The following KIAA0513 variants were observed in gnomAD, a reference collection of about 807,000 sequenced individuals.
KIAA0513 encodes the protein uncharacterized protein KIAA0513.
Under a neutral mutation model 56.5 loss-of-function variants are expected in KIAA0513, and 39 were observed. That is an observed-to-expected ratio of 0.69 (90% CI 0.53 to 0.90). KIAA0513 has a LOEUF of 0.90. Among genes scored for constraint, KIAA0513 ranks in the 40% least tolerant of loss-of-function variants. KIAA0513 has a pLI of 0.00. For missense variants in KIAA0513, 591 were observed against 535.2 expected, an observed-to-expected ratio of 1.10 and a Z score of -1.03; for synonymous variants, 268 against 215.6, an observed-to-expected ratio of 1.24 and a Z score of -2.13.
At chr16:85,031,187 A>G (rs769739203) in intron 1 of KIAA0513, among the ~76,000 whole-genome samples, 5 of 152,234 alleles carry the variant, frequency 3.3e-5, no homozygotes, top group Non-Finnish European at 7.3e-5. Flanking sequence ...ATCGTTAGAA[A>G]GACTTGGCCT....
At chr16:85,057,039 A>C (rs1026236928) in intron 1 of KIAA0513, among the ~76,000 whole-genome samples, 1 of 152,178 alleles carries the variant, frequency 6.6e-6, no homozygotes, top group Admixed American at 6.5e-5. Flanking sequence ...CTGGGTGTAC[A>C]GTGTCTGAAG....
chr16:85,086,877 C>A, intron 11 of KIAA0513, 153 bp downstream of exon 11: 1 of 843,926 alleles, frequency 1.2e-6, no homozygotes. Context: ...CATAATTAAT[C>A]CGCCTCCTAC....
chr16:85,047,693 G>A (rs147126265), intron 1 of KIAA0513, among the ~76,000 whole-genome samples: 4 of 152,214 alleles, frequency 2.6e-5, no homozygotes, highest in African/African-American at 7.2e-5. Flanking sequence ...AAAAACCCAG[G>A]GATCTGGCCC....
chr16:85,087,196 G>A, intron 12 of KIAA0513, 30 bp downstream of exon 12: 1 of 1,579,252 alleles, frequency 6.3e-7, no homozygotes, highest in Non-Finnish European at 8.7e-7. Context: ...CTGGCAGGAG[G>A]CGGGCAGGGC....
chr16:85,078,499 C>G (rs939468980), intron 7 of KIAA0513, 44 bp downstream of exon 7: 26 of 1,588,870 alleles, frequency 1.6e-5, no homozygotes, highest in East Asian at 2.2e-5. Context: ...AGCCCACAGC[C>G]CCTCAGCCAG....
chr16:85,030,330 C>T (rs983309214), intron 1 of KIAA0513, among the ~76,000 whole-genome samples: 3 of 152,142 alleles, frequency 2.0e-5, no homozygotes, highest in Non-Finnish European at 4.4e-5. Context: ...TTTCCTTGTC[C>T]CCCACCCAAA....
chr16:85,077,466 G>C lies in KIAA0513; in HGVS notation c.616G>C (p.Ala206Pro). Residue 206 changes from alanine to proline, a missense_variant, in exon 6 of 13, where the codon GCG becomes CCG. Coordinates refer to ENST00000683363, the MANE Select transcript of KIAA0513 (RefSeq NM_001388359.1). ...LLPPESREKP[A>P]GSIDSYLKSA... ...GCCCCCGGAGTCCCGGGAGAAGCCC[G>C]CGGGCAGCATCGACTCCTACCTGAA... is the stretch of plus-strand genomic sequence containing the variant. 6.2e-7 allele frequency: 1 copy of C among 1,614,124 alleles called. No homozygotes were observed. Among genetic ancestry groups the C allele is most frequent in the Non-Finnish European group, 8.5e-7 (1 of 1,180,024 alleles).
At position 85,051,611 on chromosome 16, in the gene KIAA0513, C is replaced by T. The variant is rs554033819; in HGVS notation, c.-172-15289C>T. ...TCCTTCTGAGCCACATAGAATCATA[C>T]TCTCTACTTCCTCTCACACAGCGAC... On this transcript the variant is annotated intron_variant, in intron 1 of 12. Coordinates refer to ENST00000683363, the MANE Select transcript of KIAA0513 (RefSeq NM_001388359.1). Among the ~76,000 whole-genome samples, 6 of 152,270 alleles carry T rather than the reference C, an allele frequency of 3.9e-5. No homozygotes were observed. In the South Asian group the frequency reaches 1.2e-3, roughly 32 times the overall value.
intron 1 of KIAA0513, among the ~76,000 whole-genome samples, chr16:85,051,234 C>G (rs2073248634): frequency 6.6e-6 from 1 of 152,172 alleles, no homozygotes; most frequent in African/African-American, 2.4e-5. Flanking sequence ...GCGTTTTATT[C>G]TCCCACTGGG....
intron 1 of KIAA0513, among the ~76,000 whole-genome samples, chr16:85,064,960 C>G (rs2073457613): frequency 1.3e-5 from 2 of 152,242 alleles, no homozygotes; most frequent in African/African-American, 4.8e-5. Context: ...GCTGGGATAA[C>G]AGGCGTGAGC....
At chr16:85,066,310 G>A (rs1415591464) in intron 1 of KIAA0513, among the ~76,000 whole-genome samples, 3 of 152,184 alleles carry the variant, frequency 2.0e-5, no homozygotes, top group African/African-American at 4.8e-5. Context: ...GGGGTGTGTC[G>A]TTGTCCAGCG....
In KIAA0513 at chr16:85,091,600, G is replaced by T. The variant is rs1358943704; in HGVS notation, c.*3275G>T. 6.6e-6 allele frequency: 1 copy of T among 152,192 alleles called. No individual in the cohort carries two copies. Among genetic ancestry groups the T allele is most frequent in the Non-Finnish European group, 1.5e-5 (1 of 68,028 alleles). 9.4% of individuals were successfully genotyped at this position (152,192 alleles called of 1,614,324 possible). A position where few individuals can be genotyped will look rare whatever the true frequency, so the allele number is the denominator to read the frequency against. On this transcript the variant is annotated 3_prime_UTR_variant, in exon 13 of 13. Transcript: ENST00000683363. ...GGTTTAAAACCAGCACCGAGGCCCAGTGGGGGAATCACAGACATCACCAAG... is the reference window on the plus strand; with the variant it reads ...GGTTTAAAACCAGCACCGAGGCCCATTGGGGGAATCACAGACATCACCAAG...
intron 2 of KIAA0513, among the ~76,000 whole-genome samples, chr16:85,067,869 G>T (rs1597624899): frequency 1.3e-5 from 2 of 151,756 alleles, no homozygotes; most frequent in Admixed American, 1.3e-4. Context: ...GGAGTGCAGT[G>T]GTGCGATCTC....
At chr16:85,064,094 C>G (rs555790473) in intron 1 of KIAA0513, among the ~76,000 whole-genome samples, 94 of 150,942 alleles carry the variant, frequency 6.2e-4, no homozygotes, top group African/African-American at 2.2e-3. Flanking sequence ...CAACCTCTGC[C>G]TCCCAGGTTC....
chr16:85,078,799 G>C (rs1397889362), intron 7 of KIAA0513, 126 bp from the exon 8 acceptor site: 1 of 1,010,614 alleles, frequency 9.9e-7, no homozygotes, highest in Non-Finnish European at 1.5e-6. Flanking sequence ...AGCCACGGTG[G>C]GGTTTGCATC....
intron 1 of KIAA0513, among the ~76,000 whole-genome samples, chr16:85,065,776 C>G (rs914611496): frequency 6.6e-6 from 1 of 152,158 alleles, no homozygotes; most frequent in Non-Finnish European, 1.5e-5. Flanking sequence ...GCGTCTCCTT[C>G]CCGCCTAGCT....
intron 1 of KIAA0513, among the ~76,000 whole-genome samples, chr16:85,062,639 G>A (rs1436307236): frequency 6.6e-6 from 1 of 152,210 alleles, no homozygotes; most frequent in African/African-American, 2.4e-5. Flanking sequence ...CTCCCAGCGT[G>A]TTTTGAAATA....
intron 1 of KIAA0513, among the ~76,000 whole-genome samples, chr16:85,044,989 G>T (rs1000915678): frequency 6.6e-6 from 1 of 151,974 alleles, no homozygotes; most frequent in African/African-American, 2.4e-5. Flanking sequence ...GTGGTGGTGG[G>T]CACCTGTAGT....
At chr16:85,077,670 ACT>A in intron 6 of KIAA0513, 38 bp downstream of exon 6, 2 of 1,503,730 alleles carry the variant, frequency 1.3e-6, no homozygotes, top group Non-Finnish European at 1.8e-6. Context: ...CCTGCAGGGG[ACT>A]GGGGAGAGGC....
Sources: allele counts gnomAD v4.1 joint callset (sites outside exome capture counted in the v4.1 genomes callset), GRCh38; gene constraint gnomAD v4.1.1; transcripts MANE v1.5; gene names NCBI Gene and HGNC (gene_info 2026-07-23, HGNC 2026-07-21).